The following ADAMTSL3 variants were observed in gnomAD, a reference collection of about 807,000 sequenced individuals.
The protein encoded by ADAMTSL3 is ADAMTS like 3, also known as ADAMTS-like protein 3.
Under a neutral mutation model 201.7 loss-of-function variants are expected in ADAMTSL3, and 128 were observed. The observed-to-expected ratio is 0.63, with a 90% CI of 0.55 to 0.73. ADAMTSL3 has a LOEUF of 0.73. Among genes scored for constraint, ADAMTSL3 ranks in the 30% least tolerant of loss-of-function variants. ADAMTSL3 has a pLI of 0.00. For synonymous variants in ADAMTSL3, 738 were observed against 748.4 expected (o/e 0.99, Z 0.23); for missense variants, 1,990 against 2,119.6 (o/e 0.94, Z 1.20).
chr15:83,658,556 A>G (rs529530361), intron 2 of ADAMTSL3, among the ~76,000 whole-genome samples: 2 of 152,266 alleles, frequency 1.3e-5, no homozygotes, highest in South Asian at 2.1e-4. Context: ...CGAGGAGCTC[A>G]CTGTTCCCCT....
Position 83,797,769 on chromosome 15 carries a change from A to G in ADAMTSL3, c.318-6881A>G, listed in dbSNP as rs574650114. 3.3e-5 allele frequency among the ~76,000 whole-genome samples: 5 copies of G among 152,302 alleles called. No homozygotes were observed. The South Asian group carries it at 1.0e-3, about 32-fold the overall frequency. On this transcript the variant is annotated intron_variant, in intron 4 of 29. Coordinates refer to ENST00000286744, the MANE Select transcript of ADAMTSL3 (RefSeq NM_207517.3). Reference sequence around the variant, plus strand: ...GTCCATGTTAGAGAGCAATTTGTCAATATCTGGTAATAGTGATGCTGTAAA... The same window carrying G: ...GTCCATGTTAGAGAGCAATTTGTCAGTATCTGGTAATAGTGATGCTGTAAA...
intron 4 of ADAMTSL3, among the ~76,000 whole-genome samples, chr15:83,792,600 A>G (rs1447658959): frequency 5.3e-5 from 8 of 152,192 alleles, no homozygotes; most frequent in Non-Finnish European, 1.0e-4. Flanking sequence ...CCTGGCCAAC[A>G]TGGCAAAACC....
chr15:83,713,499 G>A (rs1238754366), intron 3 of ADAMTSL3, among the ~76,000 whole-genome samples: 1 of 152,156 alleles, frequency 6.6e-6, no homozygotes, highest in Non-Finnish European at 1.5e-5. Flanking sequence ...GCAGGTGGAG[G>A]ACTGGATGGG....
At chr15:83,760,015 T>G (rs753242855) in intron 3 of ADAMTSL3, among the ~76,000 whole-genome samples, 2 of 152,184 alleles carry the variant, frequency 1.3e-5, no homozygotes, top group African/African-American at 4.8e-5. Flanking sequence ...TTTTTTAATT[T>G]GTTGATCCTC....
At chr15:83,731,297 A>T (rs1396616925) in intron 3 of ADAMTSL3, among the ~76,000 whole-genome samples, 1 of 152,138 alleles carries the variant, frequency 6.6e-6, no homozygotes, top group African/African-American at 2.4e-5. Context: ...CAACAGGTAT[A>T]TAAAAAGGTG....
At chr15:83,771,505 A>G (rs191783393) in intron 3 of ADAMTSL3, among the ~76,000 whole-genome samples, 117 of 152,294 alleles carry the variant, frequency 7.7e-4, no homozygotes, top group Admixed American at 4.8e-3. Flanking sequence ...GAGTCGGTCT[A>G]TGTTAGATAC....
intron 3 of ADAMTSL3, among the ~76,000 whole-genome samples, chr15:83,759,039 C>A (rs1303496725): frequency 6.6e-6 from 1 of 152,130 alleles, no homozygotes; most frequent in Non-Finnish European, 1.5e-5. Context: ...AGAAGGCAGA[C>A]CTTTCCCCTT....
rs2066578005 is a variant in ADAMTSL3 at position 83,942,447 on chromosome 15, T to C, written c.2118-149T>C. On this transcript the variant is annotated intron_variant, in intron 17 of 29. Coordinates refer to ENST00000286744, the MANE Select transcript of ADAMTSL3 (RefSeq NM_207517.3). The stretch of plus-strand genomic sequence containing the variant: ...ACTATATTTCTGTGTTTTAATTGCG[T>C]ATATTGATGGAGATGCTGTGACTGT... 4 of 638,458 alleles carry C rather than the reference T, an allele frequency of 6.3e-6. No individual in the cohort carries two copies. The Admixed American group carries it at 1.2e-4, about 19-fold the overall frequency. 39.5% of individuals were successfully genotyped at this position (638,458 alleles called of 1,614,324 possible).
intron 2 of ADAMTSL3, among the ~76,000 whole-genome samples, chr15:83,666,587 C>T (rs1595991417): frequency 1.3e-5 from 2 of 152,104 alleles, no homozygotes; most frequent in African/African-American, 4.8e-5. Flanking sequence ...CCTGTACTCC[C>T]AGCACTTTAG....
intron 6 of ADAMTSL3, among the ~76,000 whole-genome samples, chr15:83,827,999 A>G (rs949422308): frequency 3.9e-5 from 6 of 152,308 alleles, no homozygotes; most frequent in Admixed American, 2.0e-4. Flanking sequence ...TTGGCAATGC[A>G]GGCTCTTTTT....
chr15:83,736,026 A>C (rs572807974), intron 3 of ADAMTSL3, among the ~76,000 whole-genome samples: 1 of 152,212 alleles, frequency 6.6e-6, no homozygotes, highest in Non-Finnish European at 1.5e-5. Context: ...TAAACTTATT[A>C]TACTCAATAT....
At position 83,913,440 on chromosome 15, in the gene ADAMTSL3, C is replaced by T. The variant is rs1185010613; in HGVS notation, c.1987+62C>T. On this transcript the variant is annotated intron_variant, in intron 16 of 29. Transcript: ENST00000286744. ...GTGTTGCTAGTGGTTTGAGAAATTA[C>T]TCAATCAGGTAAGCCAAATATGCAA... The T allele has an allele frequency of 3.9e-6, 6 of 1,545,720 alleles. 1 individual carries two copies. The highest frequency in any genetic ancestry group is 1.4e-5 in the African/African-American group (1 of 73,758).
chr15:83,882,267 C>T (rs2065288352), intron 9 of ADAMTSL3, among the ~76,000 whole-genome samples: 1 of 152,198 alleles, frequency 6.6e-6, no homozygotes, highest in Non-Finnish European at 1.5e-5. Flanking sequence ...AGTCCTGCCA[C>T]AGCCAGAAAC....
At chr15:83,960,514 A>G (rs1247282179) in intron 19 of ADAMTSL3, among the ~76,000 whole-genome samples, 1 of 152,132 alleles carries the variant, frequency 6.6e-6, no homozygotes, top group Non-Finnish European at 1.5e-5. Flanking sequence ...ACCTCGGAAA[A>G]AAAACTGAGG....
Position 83,661,378 on chromosome 15 carries a change from G to A in ADAMTSL3, c.69+5548G>A, listed in dbSNP as rs1377921731. On this transcript the variant is annotated intron_variant, in intron 2 of 29. Transcript: ENST00000286744. ...ATCTGTAAATTACCTTGGGCAGTAT[G>A]GCCATTTTCACAATATTGATTCTTC... 1.8e-4 allele frequency among the ~76,000 whole-genome samples: 28 copies of A among 151,408 alleles called. No individual in the cohort carries two copies. The South Asian group carries it at 5.9e-3, about 32-fold the overall frequency.
chr15:83,948,883 G>T (rs1384011903), intron 19 of ADAMTSL3, among the ~76,000 whole-genome samples: 3 of 151,322 alleles, frequency 2.0e-5, no homozygotes, highest in Non-Finnish European at 4.4e-5. Context: ...AATTTTTGTG[G>T]GTATATAGTA....
chr15:83,775,013 A>G (rs547874778), intron 4 of ADAMTSL3, among the ~76,000 whole-genome samples: 6 of 152,040 alleles, frequency 3.9e-5, no homozygotes, highest in East Asian at 1.9e-4. Context: ...TGCCTGGCTA[A>G]TTTTTGTATT....
At chr15:83,774,195 A>T (rs1327971775) in intron 4 of ADAMTSL3, among the ~76,000 whole-genome samples, 1 of 152,224 alleles carries the variant, frequency 6.6e-6, no homozygotes, top group Non-Finnish European at 1.5e-5. Context: ...GGACAGTTTA[A>T]TTCCCAGTCA....
At chr15:83,695,332 T>C (rs921407522) in intron 2 of ADAMTSL3, among the ~76,000 whole-genome samples, 18 of 148,268 alleles carry the variant, frequency 1.2e-4, no homozygotes, top group Admixed American at 4.0e-4. Flanking sequence ...AAAATGCATG[T>C]TTTGTGGCAG....
Sources: gnomAD v4.1 joint callset for allele counts (sites outside exome capture counted in the v4.1 genomes callset) on GRCh38, gnomAD v4.1.1 for gene constraint, MANE v1.5 for transcripts, NCBI Gene and HGNC (gene_info 2026-07-23, HGNC 2026-07-21) for gene names.